Variants in DCLK2 observed in about 807,000 individuals in gnomAD.
DCLK2 encodes serine/threonine-protein kinase DCLK2.
Under a neutral mutation model 78.4 loss-of-function variants are expected in DCLK2, and 31 were observed. The ratio of observed to expected loss-of-function variants is 0.40; its 90% CI spans 0.30 to 0.53. DCLK2 has a LOEUF of 0.53. Among genes scored for constraint, DCLK2 ranks in the 20% least tolerant of loss-of-function variants. The pLI is 0.61. For missense variants in DCLK2, 872 were observed against 973.7 expected, an observed-to-expected ratio of 0.90 and a Z score of 1.39; for synonymous variants, 407 against 374.9, an observed-to-expected ratio of 1.09 and a Z score of -0.99.
At chr4:150,139,629 G>C (rs866506749) in intron 2 of DCLK2, among the ~76,000 whole-genome samples, 1 of 152,198 alleles carries the variant, frequency 6.6e-6, no homozygotes. Context: ...AAGCCTGAAA[G>C]GGTCCTTTCT....
At chr4:150,188,226 C>T (rs774368520) in intron 2 of DCLK2, among the ~76,000 whole-genome samples, 9 of 152,144 alleles carry the variant, frequency 5.9e-5, no homozygotes, top group Non-Finnish European at 1.2e-4. Context: ...GTCATCCCAA[C>T]ACTTTGAGAG....
intron 1 of DCLK2, among the ~76,000 whole-genome samples, chr4:150,086,451 G>C (rs569493556): frequency 1.3e-5 from 2 of 151,942 alleles, no homozygotes; most frequent in South Asian, 2.1e-4. Context: ...ATCTGAGATT[G>C]AGATGTCTGA....
chr4:150,172,100 C>T (rs370563904), intron 2 of DCLK2, among the ~76,000 whole-genome samples: 2 of 152,158 alleles, frequency 1.3e-5, no homozygotes, highest in African/African-American at 4.8e-5. Context: ...GCTTTGTACA[C>T]GGTAGTTATT....
Position 150,249,572 on chromosome 4 carries a change from A to G in DCLK2, c.1961A>G (p.Asp654Gly), listed in dbSNP as rs773554704. 1.2e-6 allele frequency: 2 copies of G among 1,612,698 alleles called. No homozygotes were observed. The highest frequency in any genetic ancestry group is 1.7e-6 in the Non-Finnish European group (2 of 1,179,008). ...QILSHPWVSD[D>G]ASQENNMQAE... ...TGATTGTTTTCTTTCCTGTAGGATG[A>G]TGCCTCCCAGGAGAATAACATGCAA... The change falls in exon 15 of 16, where the codon GAT (aspartate) becomes GGT (glycine). Residue 654 changes from aspartate (D) to glycine (G), a missense_variant. Asp to Gly is a moderately conservative substitution (Grantham distance 94). Transcript: ENST00000296550.
intron 15 of DCLK2, among the ~76,000 whole-genome samples, chr4:150,250,894 C>CA (rs1247056169): frequency 2.0e-5 from 2 of 98,158 alleles, no homozygotes; most frequent in African/African-American, 3.6e-5. Context: ...CCCACACCCC[C>CA]CACACCCCCC....
In DCLK2 at chr4:150,249,594, G is replaced by T. The variant is rs759555666; in HGVS notation, c.1983G>T (p.Met661Ile). The T allele has an allele frequency of 6.2e-7, 1 of 1,613,708 alleles. No homozygotes were observed. The highest frequency in any genetic ancestry group is 1.1e-5 in the South Asian group (1 of 91,076). Residue 661 changes from methionine to isoleucine, a missense_variant, in exon 15 of 16, where the codon ATG becomes ATT. Coordinates refer to ENST00000296550, the MANE Select transcript of DCLK2 (RefSeq NM_001040260.4). The stretch of plus-strand genomic sequence containing the variant: ...ATGATGCCTCCCAGGAGAATAACAT[G>T]CAAGCTGAGGTGACAGGTAAACTAA... The part of the protein sequence containing the change: ...VSDDASQENN[M>I]QAEVTGKLKQ...
At chr4:150,200,072 T>G (rs913648328) in intron 4 of DCLK2, among the ~76,000 whole-genome samples, 2 of 152,210 alleles carry the variant, frequency 1.3e-5, no homozygotes, top group African/African-American at 4.8e-5. Flanking sequence ...GTGTGATTAA[T>G]TCAATTTTGT....
At chr4:150,183,924 G>T (rs781375469) in intron 2 of DCLK2, among the ~76,000 whole-genome samples, 1 of 151,568 alleles carries the variant, frequency 6.6e-6, no homozygotes, top group Non-Finnish European at 1.5e-5. Context: ...TGTAGTGATG[G>T]AGTTTCTCCA....
At chr4:150,196,596 T>C (rs1353316477) in intron 3 of DCLK2, among the ~76,000 whole-genome samples, 1 of 151,986 alleles carries the variant, frequency 6.6e-6, no homozygotes, top group African/African-American at 2.4e-5. Context: ...CTACAGACAG[T>C]ATGTTACCTA....
intron 1 of DCLK2, among the ~76,000 whole-genome samples, chr4:150,098,826 G>C (rs1436736551): frequency 2.0e-5 from 3 of 151,476 alleles, no homozygotes; most frequent in African/African-American, 7.3e-5. Flanking sequence ...CTACTGAGTA[G>C]CTGGGATTAC....
chr4:150,120,178 G>A (rs536365696), intron 2 of DCLK2, among the ~76,000 whole-genome samples: 50 of 152,262 alleles, frequency 3.3e-4, no homozygotes, highest in Middle Eastern at 3.4e-3. Flanking sequence ...ATGTATAACC[G>A]ATACAGGAAA....
chr4:150,190,530 AAAG>A (rs1319735758), intron 2 of DCLK2, among the ~76,000 whole-genome samples: 7 of 152,188 alleles, frequency 4.6e-5, no homozygotes, highest in African/African-American at 1.4e-4. Flanking sequence ...GTGCTAAGTA[AAAG>A]AAGCCAGTCA....
At chr4:150,229,943 T>C (rs1741915701) in intron 8 of DCLK2, among the ~76,000 whole-genome samples, 1 of 152,210 alleles carries the variant, frequency 6.6e-6, no homozygotes, top group Admixed American at 6.5e-5. Flanking sequence ...AAACAAAGAC[T>C]ACATACAGGT....
At chr4:150,134,334 G>C (rs754019566) in intron 2 of DCLK2, among the ~76,000 whole-genome samples, 11 of 151,768 alleles carry the variant, frequency 7.2e-5, no homozygotes, top group Non-Finnish European at 1.6e-4. Flanking sequence ...CACCTGCCTC[G>C]GCCTCCCAAA....
intron 2 of DCLK2, among the ~76,000 whole-genome samples, chr4:150,132,334 T>G (rs1212595168): frequency 1.3e-5 from 2 of 152,184 alleles, no homozygotes; most frequent in Non-Finnish European, 2.9e-5. Flanking sequence ...AAGAGGAAAT[T>G]TAAAATTCAG....
Position 150,256,636 on chromosome 4 carries a change from C to T in DCLK2, c.*389C>T, listed in dbSNP as rs1334077346. ...ACTTTGGATGAACCAAGGCCTTTTC[C>T]TTATTTAAGTAGACTCAGAACACTC... On this transcript the variant is annotated 3_prime_UTR_variant, in exon 16 of 16. Coordinates refer to ENST00000296550, the MANE Select transcript of DCLK2 (RefSeq NM_001040260.4). 1 of 189,870 alleles carries T rather than the reference C, an allele frequency of 5.3e-6. No individual in the cohort carries two copies. Among genetic ancestry groups the T allele is most frequent in the Non-Finnish European group, 1.1e-5 (1 of 93,622 alleles). 11.8% of individuals were successfully genotyped at this position (189,870 alleles called of 1,614,324 possible). A position where few individuals can be genotyped will look rare whatever the true frequency, so the allele number is the denominator to read the frequency against.
At chr4:150,253,075 C>G (rs1744296282) in intron 15 of DCLK2, among the ~76,000 whole-genome samples, 1 of 149,924 alleles carries the variant, frequency 6.7e-6, no homozygotes, top group African/African-American at 2.4e-5. Context: ...GTATTGTCCT[C>G]CTCGTCCTCC....
At chr4:150,099,550 G>A (rs1378786314) in intron 1 of DCLK2, among the ~76,000 whole-genome samples, 1 of 152,174 alleles carries the variant, frequency 6.6e-6, no homozygotes, top group African/African-American at 2.4e-5. Flanking sequence ...TGTCGTCAAG[G>A]TATATGACAT....
chr4:150,105,428 A>C (rs1302109732), intron 2 of DCLK2, among the ~76,000 whole-genome samples: 1 of 151,442 alleles, frequency 6.6e-6, no homozygotes, highest in African/African-American at 2.5e-5. Flanking sequence ...TGAATTAAAC[A>C]AGTGAGATGT....
Sources: allele counts gnomAD v4.1 joint callset (sites outside exome capture counted in the v4.1 genomes callset), GRCh38; gene constraint gnomAD v4.1.1; transcripts MANE v1.5; gene names NCBI Gene and HGNC (gene_info 2026-07-23, HGNC 2026-07-21).